Variants in PLCH1 observed in about 807,000 individuals in gnomAD.
PLCH1 encodes the protein 1-phosphatidylinositol 4,5-bisphosphate phosphodiesterase eta-1.
In PLCH1, 60 loss-of-function variants were observed where a neutral mutation model predicts 126.7. The observed-to-expected ratio is 0.47, with a 90% CI of 0.38 to 0.59. The LOEUF is 0.59. Ranked by LOEUF, PLCH1 falls within the 20% of genes least tolerant of loss-of-function variation. PLCH1 has a pLI of 0.00. For missense variants in PLCH1, 1,723 were observed against 2,040.0 expected (o/e 0.84, Z 2.99); for synonymous variants, 719 against 734.9 (o/e 0.98, Z 0.35).
intron 6 of PLCH1, among the ~76,000 whole-genome samples, chr3:155,580,862 C>T (rs952814606): frequency 6.6e-6 from 1 of 152,066 alleles, no homozygotes; most frequent in Admixed American, 6.6e-5. Context: ...TTATCATAGA[C>T]TCTCAAAATC....
chr3:155,729,661 C>T (rs528729009), intron 1 of PLCH1, among the ~76,000 whole-genome samples: 6 of 152,288 alleles, frequency 3.9e-5, no homozygotes, highest in East Asian at 1.9e-4. Context: ...CAGTGGCTCA[C>T]GCCTGTAATT....
chr3:155,744,016 T>C (rs1039560529), intron 1 of PLCH1, among the ~76,000 whole-genome samples: 1 of 152,154 alleles, frequency 6.6e-6, no homozygotes, highest in African/African-American at 2.4e-5. Context: ...GGTTTTTTTT[T>C]TTAATTTAGT....
chr3:155,677,714 T>G (rs1227067022), intron 2 of PLCH1, among the ~76,000 whole-genome samples: 1 of 152,212 alleles, frequency 6.6e-6, no homozygotes, highest in Non-Finnish European at 1.5e-5. Flanking sequence ...TTATATATTA[T>G]TATTGTTTTA....
chr3:155,557,199 CA>C (rs2108481906), intron 8 of PLCH1, among the ~76,000 whole-genome samples: 2 of 152,302 alleles, frequency 1.3e-5, no homozygotes, highest in Non-Finnish European at 2.9e-5. Flanking sequence ...ATGTACTTGA[CA>C]GTCTTTAATT....
intron 4 of PLCH1, among the ~76,000 whole-genome samples, chr3:155,589,121 A>G (rs1383268210): frequency 2.6e-5 from 4 of 152,180 alleles, no homozygotes; most frequent in Non-Finnish European, 4.4e-5. Flanking sequence ...GTAATGATCT[A>G]GGATTTTCTA....
intron 2 of PLCH1, among the ~76,000 whole-genome samples, chr3:155,599,080 A>G (rs977977822): frequency 6.9e-6 from 1 of 144,118 alleles, no homozygotes; most frequent in African/African-American, 2.6e-5. Flanking sequence ...CCAGGAAAAG[A>G]GTCCTCACCA....
At chr3:155,566,114 T>TATATAAATGTATATATAC (rs1728334685) in intron 7 of PLCH1, among the ~76,000 whole-genome samples, 1 of 49,512 alleles carries the variant, frequency 2.0e-5, no homozygotes, top group Non-Finnish European at 6.2e-5. Context: ...TATATATACA[T>TATATAAATGTATATATAC]ATATATATGT....
intron 1 of PLCH1, among the ~76,000 whole-genome samples, chr3:155,734,860 C>T (rs1749047254): frequency 1.3e-5 from 2 of 152,080 alleles, no homozygotes; most frequent in South Asian, 4.2e-4. Context: ...AGGCACCCGC[C>T]ACCACGCCCG....
At chr3:155,666,687 A>C (rs1392094977) in intron 2 of PLCH1, among the ~76,000 whole-genome samples, 5 of 152,190 alleles carry the variant, frequency 3.3e-5, no homozygotes, top group African/African-American at 1.2e-4. Context: ...CCAGGTACTC[A>C]TTAAAATTAG....
At chr3:155,611,637 A>C (rs1013440610) in intron 2 of PLCH1, among the ~76,000 whole-genome samples, 1 of 152,186 alleles carries the variant, frequency 6.6e-6, no homozygotes, top group African/African-American at 2.4e-5. Context: ...ACAAAAAAAC[A>C]ATGGACTTAA....
chr3:155,687,235 A>T (rs927372415), intron 2 of PLCH1, among the ~76,000 whole-genome samples: 1 of 152,298 alleles, frequency 6.6e-6, no homozygotes, highest in Non-Finnish European at 1.5e-5. Context: ...TTAAAATAAA[A>T]ACATCAAAAG....
intron 10 of PLCH1, among the ~76,000 whole-genome samples, chr3:155,534,818 C>T (rs1237742895): frequency 2.0e-5 from 3 of 152,146 alleles, no homozygotes; most frequent in Admixed American, 2.0e-4. Flanking sequence ...AGGCTCTTCT[C>T]CCTTCACTGT....
At position 155,577,860 on chromosome 3, in the gene PLCH1, T is replaced by C. The variant is rs933622326; in HGVS notation, c.771+5612A>G. Among the ~76,000 whole-genome samples, 6 of 152,376 alleles carry C rather than the reference T, an allele frequency of 3.9e-5. No homozygotes were observed. In the East Asian group the frequency reaches 9.6e-4, roughly 24 times the overall value. On this transcript the variant is annotated intron_variant, in intron 6 of 22. Coordinates refer to ENST00000460012, the MANE Select transcript of PLCH1 (RefSeq NM_014996.4). ...GAATGAATTTGAAGTCAGTAGTTTA[T>C]ACCTTTTAACTTTAATTCCTCACAT... is the stretch of plus-strand genomic sequence containing the variant.
chr3:155,522,710 C>CT (rs76460443), intron 11 of PLCH1, among the ~76,000 whole-genome samples: 57 of 140,882 alleles, frequency 4.0e-4, no homozygotes, highest in Middle Eastern at 3.6e-3. Context: ...ATTTCTCTCT[C>CT]TTTTTTTTTT....
intron 15 of PLCH1, among the ~76,000 whole-genome samples, chr3:155,495,307 T>C (rs992262008): frequency 1.2e-4 from 18 of 151,880 alleles, no homozygotes; most frequent in African/African-American, 4.4e-4. Context: ...AATTTGGGGG[T>C]CATAATGGAG....
intron 2 of PLCH1, among the ~76,000 whole-genome samples, chr3:155,629,265 G>A (rs775716260): frequency 1.3e-4 from 20 of 152,176 alleles, no homozygotes; most frequent in Non-Finnish European, 2.4e-4. Flanking sequence ...AAATTCTACA[G>A]CAGGACAATA....
downstream of PLCH1, among the ~76,000 whole-genome samples, chr3:155,476,128 T>C (rs1713535163): frequency 6.6e-6 from 1 of 152,092 alleles, no homozygotes; most frequent in South Asian, 2.1e-4. Context: ...AAGTGGGATT[T>C]ATCACCCATG....
chr3:155,604,690 T>C (rs1043225211), intron 2 of PLCH1, among the ~76,000 whole-genome samples: 2 of 152,078 alleles, frequency 1.3e-5, no homozygotes, highest in Non-Finnish European at 2.9e-5. Flanking sequence ...TCCATACTCA[T>C]GGAAAACAAA....
At chr3:155,669,174 A>AT (rs2108974936) in intron 2 of PLCH1, among the ~76,000 whole-genome samples, 1 of 152,238 alleles carries the variant, frequency 6.6e-6, no homozygotes, top group East Asian at 1.9e-4. Flanking sequence ...AAAGGCATAC[A>AT]TTTGTGGTCA....
Sources: gnomAD v4.1 joint callset for allele counts (sites outside exome capture counted in the v4.1 genomes callset) on GRCh38, gnomAD v4.1.1 for gene constraint, MANE v1.5 for transcripts, NCBI Gene and HGNC (gene_info 2026-07-23, HGNC 2026-07-21) for gene names.